The following ARL8B variants were observed in gnomAD, a reference collection of about 807,000 sequenced individuals.
The protein encoded by ARL8B is ADP-ribosylation factor-like protein 8B.
Under a neutral mutation model 30.6 loss-of-function variants are expected in ARL8B, and 9 were observed. The ratio of observed to expected loss-of-function variants is 0.29; its 90% CI spans 0.18 to 0.51. The LOEUF is 0.51. ARL8B is among the 20% of genes least tolerant of loss of function. The pLI is 0.97. For synonymous variants in ARL8B, 74 were observed against 76.0 expected (o/e 0.97, Z 0.14); for missense variants, 130 against 227.2 (o/e 0.57, Z 2.75).
intron 1 of ARL8B, among the ~76,000 whole-genome samples, chr3:5,143,143 G>A (rs911521139): frequency 6.6e-6 from 1 of 152,136 alleles, no homozygotes; most frequent in Admixed American, 6.6e-5. Flanking sequence ...GGCAGGCATC[G>A]AATCTTATAG....
chr3:5,162,609 A>C (rs2106567138), intron 1 of ARL8B, among the ~76,000 whole-genome samples: 1 of 152,342 alleles, frequency 6.6e-6, no homozygotes, highest in Non-Finnish European at 1.5e-5. Context: ...TAATTATATC[A>C]CTAAGGAATT....
intron 6 of ARL8B, among the ~76,000 whole-genome samples, chr3:5,175,470 C>T (rs1167364739): frequency 6.6e-6 from 1 of 152,160 alleles, no homozygotes; most frequent in Non-Finnish European, 1.5e-5. Flanking sequence ...TCTACAGGCA[C>T]TACAACAATT....
intron 1 of ARL8B, among the ~76,000 whole-genome samples, chr3:5,159,096 G>A (rs2054556567): frequency 6.6e-6 from 1 of 150,778 alleles, no homozygotes; most frequent in South Asian, 2.1e-4. Flanking sequence ...CTACATGCGG[G>A]CATGCACCAC....
rs201621702 is a variant in ARL8B at position 5,172,173 on chromosome 3, C to G, written c.228C>G (p.Pro76=). The change falls in exon 3 of 7, where the codon CCC becomes CCG. Residue 76 remains proline (P), a synonymous_variant. Transcript: ENST00000256496. ...AGATCTGGGACATAGGAGGACAACC[C>G]CGATTTCGAAGCATGTGGGAGCGGT... ...TIKIWDIGGQ[P]RFRSMWERYC... is the part of the protein sequence containing the mutation. The G allele has an allele frequency of 2.8e-5, 45 of 1,613,464 alleles. No individual in the cohort carries two copies. The highest frequency in any genetic ancestry group is 3.6e-5 in the Non-Finnish European group (42 of 1,179,686).
chr3:5,127,293 A>G (rs1352303120), intron 1 of ARL8B, among the ~76,000 whole-genome samples: 1 of 152,234 alleles, frequency 6.6e-6, no homozygotes, highest in Non-Finnish European at 1.5e-5. Context: ...CTTTAGATCC[A>G]GCTGAGGTTA....
intron 1 of ARL8B, among the ~76,000 whole-genome samples, chr3:5,126,117 CT>C (rs75985076): frequency 0.25 from 36,409 of 145,420 alleles, 5,332 homozygotes; most frequent in African/African-American, 0.43. Flanking sequence ...GAATTTCATA[CT>C]TTTTTTTTTT....
intron 1 of ARL8B, among the ~76,000 whole-genome samples, chr3:5,132,411 G>C (rs2054290733): frequency 6.6e-6 from 1 of 151,948 alleles, no homozygotes; most frequent in African/African-American, 2.4e-5. Flanking sequence ...TAATTTTTTT[G>C]TATTTTTAGT....
chr3:5,158,826 T>TATTAAA lies in ARL8B; in HGVS notation c.124-11677_124-11676insATTAAA, dbSNP rs1323565189. ...TTTCATTTTATTAGTCCCTTGATTC[T>TATTAAA]GTCTTACTTTAATAGGTCTTGATAA... On this transcript the variant is annotated intron_variant, in intron 1 of 6. Transcript: ENST00000256496. 2.9e-3 allele frequency among the ~76,000 whole-genome samples: 441 copies of TATTAAA among 152,364 alleles called. 3 individuals are homozygous for TATTAAA. Among genetic ancestry groups the TATTAAA allele is most frequent in the African/African-American group, 0.01 (434 of 41,580 alleles).
chr3:5,165,744 C>T (rs1167253956), intron 1 of ARL8B, among the ~76,000 whole-genome samples: 1 of 151,940 alleles, frequency 6.6e-6, no homozygotes, highest in Non-Finnish European at 1.5e-5. Context: ...TGTATTGGAC[C>T]GCTGCTATAG....
chr3:5,152,408 G>A (rs1036613805), intron 1 of ARL8B, among the ~76,000 whole-genome samples: 1 of 152,082 alleles, frequency 6.6e-6, no homozygotes, highest in South Asian at 2.1e-4. Context: ...TCAGCTTTCT[G>A]TGATAAGTGG....
intron 1 of ARL8B, among the ~76,000 whole-genome samples, chr3:5,165,743 C>T (rs867979262): frequency 3.3e-5 from 5 of 152,198 alleles, no homozygotes; most frequent in Middle Eastern, 6.8e-3. Flanking sequence ...TTGTATTGGA[C>T]CGCTGCTATA....
At chr3:5,130,229 G>A (rs1025487952) in intron 1 of ARL8B, among the ~76,000 whole-genome samples, 1 of 149,124 alleles carries the variant, frequency 6.7e-6, no homozygotes, top group Non-Finnish European at 1.5e-5. Context: ...TCACTGTGTT[G>A]CTCAGCCTGG....
intron 1 of ARL8B, among the ~76,000 whole-genome samples, chr3:5,149,740 G>GT (rs2054463126): frequency 6.6e-6 from 1 of 152,172 alleles, no homozygotes; most frequent in South Asian, 2.1e-4. Flanking sequence ...GAGCTGTGCA[G>GT]TTTGTTACAT....
intron 1 of ARL8B, among the ~76,000 whole-genome samples, chr3:5,168,108 CA>C (rs529835165): frequency 3.3e-5 from 5 of 152,206 alleles, no homozygotes; most frequent in Admixed American, 3.3e-4. Context: ...GGCTGGAGTA[CA>C]GTGGCACAAT....
rs186692512 is a variant in ARL8B, at chr3:5,146,076, T to C, written c.123+23488T>C. Among the ~76,000 whole-genome samples, 249 of 152,344 alleles carry C rather than the reference T, an allele frequency of 1.6e-3. 4 individuals are homozygous for C. The highest frequency in any genetic ancestry group is 5.9e-4 in the Non-Finnish European group (40 of 68,022). ...GTTGGAATTCCTCCAGGACTTTTTC[T>C]AAGACTTGACCAAATAAGTTTGGGG... On this transcript the variant is annotated intron_variant, in intron 1 of 6. Transcript: ENST00000256496.
chr3:5,139,577 C>G (rs2054354554), intron 1 of ARL8B, among the ~76,000 whole-genome samples: 1 of 152,158 alleles, frequency 6.6e-6, no homozygotes, highest in Non-Finnish European at 1.5e-5. Context: ...TTCTGGGTAA[C>G]TTCTCAGTAA....
chr3:5,140,971 C>T (rs181395727), intron 1 of ARL8B, among the ~76,000 whole-genome samples: 23 of 152,342 alleles, frequency 1.5e-4, no homozygotes, highest in African/African-American at 5.1e-4. Flanking sequence ...GGTAATTTAT[C>T]TCCTAGCACG....
intron 1 of ARL8B, among the ~76,000 whole-genome samples, chr3:5,144,355 C>T (rs750753242): frequency 3.9e-5 from 6 of 152,172 alleles, no homozygotes; most frequent in Non-Finnish European, 7.4e-5. Flanking sequence ...GGAGGTCTTC[C>T]TCCTGTGGCC....
At chr3:5,142,543 C>G (rs994858634) in intron 1 of ARL8B, among the ~76,000 whole-genome samples, 3 of 152,160 alleles carry the variant, frequency 2.0e-5, no homozygotes, top group African/African-American at 7.2e-5. Flanking sequence ...ACACGCATAG[C>G]AGTCACTCTT....
Sources: gnomAD v4.1 joint callset for allele counts (sites outside exome capture counted in the v4.1 genomes callset) on GRCh38, gnomAD v4.1.1 for gene constraint, MANE v1.5 for transcripts, NCBI Gene and HGNC (gene_info 2026-07-23, HGNC 2026-07-21) for gene names.